Variants in SLIT3 observed in about 807,000 individuals in gnomAD.
SLIT3 encodes the protein slit guidance ligand 3.
SLIT3 carries 68 observed loss-of-function variants against 184.0 expected under a neutral mutation model. The observed-to-expected ratio is 0.37, with a 90% CI of 0.30 to 0.45. The LOEUF (loss-of-function observed/expected upper bound fraction) is 0.45, where lower values mean the gene tolerates loss of function less well. Ranked by LOEUF, SLIT3 falls within the 20% of genes least tolerant of loss-of-function variation. The probability of loss-of-function intolerance (pLI) is 1.00; values close to 1 mark genes in which losing one functional copy is unlikely to be tolerated. For missense variants in SLIT3, 1,707 were observed against 2,026.0 expected, an observed-to-expected ratio of 0.84 and a Z score of 3.02; for synonymous variants, 831 against 828.6, an observed-to-expected ratio of 1.00 and a Z score of -0.05.
chr5:168,823,849 A>G (rs1757615015), intron 6 of SLIT3, among the ~76,000 whole-genome samples: 1 of 152,212 alleles, frequency 6.6e-6, no homozygotes, highest in Admixed American at 6.5e-5. Context: ...ACCTTGCTGC[A>G]TTCTCCTTGA....
At chr5:168,725,079 G>A (rs956650017) in intron 20 of SLIT3, among the ~76,000 whole-genome samples, 1 of 152,114 alleles carries the variant, frequency 6.6e-6, no homozygotes, top group East Asian at 1.9e-4. Flanking sequence ...GGAAATGGGG[G>A]GCTATCTCTG....
chr5:168,820,991 G>C (rs1289423638), intron 7 of SLIT3, among the ~76,000 whole-genome samples: 2 of 152,184 alleles, frequency 1.3e-5, no homozygotes, highest in East Asian at 1.9e-4. Flanking sequence ...TACAGTGAAG[G>C]GGGATTAGTC....
At chr5:169,127,561 A>T (rs763016501) in intron 4 of SLIT3, among the ~76,000 whole-genome samples, 9 of 152,226 alleles carry the variant, frequency 5.9e-5, no homozygotes, top group Non-Finnish European at 1.0e-4. Flanking sequence ...GTAAAAATAG[A>T]TGCTTTCAAA....
At chr5:168,938,950 T>A (rs1465021913) in intron 4 of SLIT3, among the ~76,000 whole-genome samples, 2 of 152,044 alleles carry the variant, frequency 1.3e-5, no homozygotes, top group East Asian at 3.9e-4. Context: ...TATATAGAGA[T>A]ATACCCTGAT....
Position 168,663,835 on chromosome 5 carries a change from T to C in SLIT3, c.*2619A>G, listed in dbSNP as rs1330505541. ...GAAGTTCCCTCCTCTGGACAGCCAC[T>C]TCCATTGCTTGTATTGCCACTTAAG... On this transcript the variant is annotated 3_prime_UTR_variant, in exon 36 of 36. Coordinates refer to ENST00000519560, the MANE Select transcript of SLIT3 (RefSeq NM_003062.4). The C allele has an allele frequency of 6.6e-6, 1 of 152,246 alleles. No homozygotes were observed. The highest frequency in any genetic ancestry group is 1.5e-5 in the Non-Finnish European group (1 of 68,046). The allele number at this position is 152,246 out of a possible 1,614,324, so 9.4% of individuals were successfully genotyped here. A position where few individuals can be genotyped will look rare whatever the true frequency, so the allele number is the denominator to read the frequency against.
chr5:168,913,264 C>T (rs1761313322), intron 4 of SLIT3, among the ~76,000 whole-genome samples: 1 of 152,064 alleles, frequency 6.6e-6, no homozygotes, highest in Non-Finnish European at 1.5e-5. Context: ...AGTTTTGCAC[C>T]AATCAATACA....
chr5:169,109,175 C>A (rs1760323213), intron 4 of SLIT3, among the ~76,000 whole-genome samples: 1 of 152,184 alleles, frequency 6.6e-6, no homozygotes, highest in Non-Finnish European at 1.5e-5. Context: ...GAATGTCACT[C>A]CTGTGATTAG....
rs936645306 is a variant in SLIT3, at chr5:169,094,399, C to A, written c.413+99080G>T. On this transcript the variant is annotated intron_variant, in intron 4 of 35. Transcript: ENST00000519560. ...ATCCCAGCACTTTGGGAGGCCAAGG[C>A]GGGTGGATCACCTGAGGTCAGGAGT... Among the ~76,000 whole-genome samples the A allele has an allele frequency of 2.6e-5, 4 of 152,274 alleles. No individual in the cohort carries two copies. In the South Asian group the frequency reaches 8.3e-4, roughly 32 times the overall value.
At chr5:169,146,138 C>A (rs192750101) in intron 4 of SLIT3, among the ~76,000 whole-genome samples, 1 of 152,214 alleles carries the variant, frequency 6.6e-6, no homozygotes, top group East Asian at 1.9e-4. Context: ...GAATGTATTA[C>A]GAATATCTCT....
At position 168,824,716 on chromosome 5, in the gene SLIT3, G is replaced by T. The variant is rs80020084; in HGVS notation, c.558-1385C>A. 9.5e-3 allele frequency among the ~76,000 whole-genome samples: 1,447 copies of T among 152,240 alleles called. 26 individuals carry two copies. Among genetic ancestry groups the T allele is most frequent in the African/African-American group, 0.033 (1,389 of 41,528 alleles). On this transcript the variant is annotated intron_variant, in intron 6 of 35. Transcript: ENST00000519560. ...GTACAATTCCTCATGGTGGCCACTT[G>T]TTCCTGTGCCCTTCTATTCTCCGCT...
At chr5:168,676,023 A>G (rs1282946733) in intron 32 of SLIT3, among the ~76,000 whole-genome samples, 1 of 151,606 alleles carries the variant, frequency 6.6e-6, no homozygotes, top group African/African-American at 2.4e-5. Context: ...CTCTCCACCC[A>G]CCCACCTACT....
intron 5 of SLIT3, among the ~76,000 whole-genome samples, chr5:168,877,594 C>A (rs914332505): frequency 1.3e-5 from 2 of 152,162 alleles, no homozygotes; most frequent in African/African-American, 4.8e-5. Context: ...GAGATTACCA[C>A]CTGCTCACCG....
intron 4 of SLIT3, among the ~76,000 whole-genome samples, chr5:169,117,316 G>C (rs968372970): frequency 2.0e-5 from 3 of 152,164 alleles, no homozygotes; most frequent in African/African-American, 7.2e-5. Context: ...AGCCAAACTG[G>C]AAGTGAGTGA....
At chr5:168,939,656 A>G (rs1324158165) in intron 4 of SLIT3, among the ~76,000 whole-genome samples, 4 of 152,242 alleles carry the variant, frequency 2.6e-5, no homozygotes, top group Non-Finnish European at 5.9e-5. Context: ...TTAAAATGCA[A>G]ACAAATGGCT....
At chr5:168,752,113 A>G (rs935232759) in intron 18 of SLIT3, among the ~76,000 whole-genome samples, 1 of 152,084 alleles carries the variant, frequency 6.6e-6, no homozygotes, top group African/African-American at 2.4e-5. Context: ...CAGTCTTCCT[A>G]ATGTGCTCTG....
At chr5:168,946,528 C>CTT (rs1762488615) in intron 4 of SLIT3, among the ~76,000 whole-genome samples, 1 of 152,226 alleles carries the variant, frequency 6.6e-6, no homozygotes, top group Non-Finnish European at 1.5e-5. Context: ...TGTTCCCCAG[C>CTT]CTTGTTCACG....
intron 3 of SLIT3, among the ~76,000 whole-genome samples, chr5:169,214,820 G>A (rs1177234769): frequency 1.3e-5 from 2 of 152,226 alleles, no homozygotes; most frequent in East Asian, 1.9e-4. Context: ...AAGGGCTCAT[G>A]CTTCCCTCCT....
At chr5:168,827,527 C>T (rs1283063304) in intron 6 of SLIT3, among the ~76,000 whole-genome samples, 1 of 152,240 alleles carries the variant, frequency 6.6e-6, no homozygotes, top group African/African-American at 2.4e-5. Context: ...GTGATCTCCA[C>T]TTCCTGGGAC....
At chr5:168,893,318 T>C (rs947542748) in intron 4 of SLIT3, among the ~76,000 whole-genome samples, 2 of 152,118 alleles carry the variant, frequency 1.3e-5, no homozygotes, top group Admixed American at 6.6e-5. Flanking sequence ...AGGGAACCCA[T>C]TTCTATACAA....
Sources: allele counts gnomAD v4.1 joint callset (sites outside exome capture counted in the v4.1 genomes callset), GRCh38; gene constraint gnomAD v4.1.1; transcripts MANE v1.5; gene names NCBI Gene and HGNC (gene_info 2026-07-23, HGNC 2026-07-21).